EHD4: variants seen among roughly 807,000 people sequenced by gnomAD.
EHD4 encodes EH domain containing 4.
Under a neutral mutation model 51.0 loss-of-function variants are expected in EHD4, and 37 were observed. The observed-to-expected ratio is 0.73, with a 90% CI of 0.56 to 0.95. The LOEUF is 0.95. Among genes scored for constraint, EHD4 ranks in the 40% least tolerant of loss-of-function variants. EHD4 has a pLI of 0.00. For missense variants in EHD4, 632 were observed against 733.1 expected, an observed-to-expected ratio of 0.86 and a Z score of 1.59; for synonymous variants, 297 against 317.3, an observed-to-expected ratio of 0.94 and a Z score of 0.68.
chr15:41,900,347 A>C lies in EHD4; in HGVS notation c.*298T>G. On this transcript the variant is annotated 3_prime_UTR_variant, in exon 6 of 6. Coordinates refer to ENST00000220325, the MANE Select transcript of EHD4 (RefSeq NM_139265.4). The surrounding 1 kb of genome is among the most constrained non-coding windows in gnomAD (Gnocchi z 4.8). ...GTGGTTCCTGGGACTTACCAGGCCC[A>C]CCCCCATGCGCATTTCTCCAGGCAG... 1 of 391,496 alleles carries C rather than the reference A, an allele frequency of 2.6e-6. No individual in the cohort carries two copies. The allele number at this position is 391,496 out of a possible 1,614,324, so 24.3% of individuals were successfully genotyped here.
intron 2 of EHD4, among the ~76,000 whole-genome samples, chr15:41,949,982 AAGC>A (rs1389832901): frequency 6.6e-6 from 1 of 152,132 alleles, no homozygotes; most frequent in Non-Finnish European, 1.5e-5. Context: ...GAATGTCAAC[AAGC>A]ACCTCCCCAG....
chr15:41,972,470 C>T lies in EHD4; in HGVS notation c.25G>A (p.Ala9Thr). The change falls in exon 1 of 6, where the codon GCG becomes ACG. Residue 9 changes from alanine to threonine, a missense_variant. Transcript: ENST00000220325. MFSWMGRQ[A>T]GGRERAGGAD... ...CCGCCAGCGCGTTCGCGCCCGCCCGCCTGCCGCCCCATCCAGCTGAACATC... is the reference window on the plus strand; with the variant it reads ...CCGCCAGCGCGTTCGCGCCCGCCCGTCTGCCGCCCCATCCAGCTGAACATC... 6.5e-7 allele frequency: 1 copy of T among 1,544,214 alleles called. No homozygotes were observed. The highest frequency in any genetic ancestry group is 8.7e-7 in the Non-Finnish European group (1 of 1,148,138).
rs903862846 is a variant in EHD4, at chr15:41,927,766, G to A, written c.512-8144C>T. Among the ~76,000 whole-genome samples the A allele has an allele frequency of 2.2e-4, 33 of 152,158 alleles. 1 individual carries two copies. The highest frequency in any genetic ancestry group is 7.7e-4 in the African/African-American group (32 of 41,424). On this transcript the variant is annotated intron_variant, in intron 3 of 5. Transcript: ENST00000220325. ...AGATGAATAAGTTCTAGAGATTTGC[G>A]GAACCACACTGTGCCTATAGCCACA...
chr15:41,919,161 C>G lies in EHD4; in HGVS notation c.924+49G>C, dbSNP rs753423229. The G allele has an allele frequency of 5.6e-6, 9 of 1,607,936 alleles. No homozygotes were observed. In the East Asian group the frequency reaches 1.1e-4, roughly 20 times the overall value. On this transcript the variant is annotated intron_variant, in intron 4 of 5. Coordinates refer to ENST00000220325, the MANE Select transcript of EHD4 (RefSeq NM_139265.4). ...ACCCATCTTGCCTCTGGAGAGGAGA[C>G]AGCAGAGTCCCAGCCCCTGGCCTCT...
intron 1 of EHD4, among the ~76,000 whole-genome samples, chr15:41,967,432 A>T (rs140598481): frequency 5.3e-5 from 8 of 152,372 alleles, no homozygotes; most frequent in African/African-American, 1.9e-4. Context: ...TGAATAAATG[A>T]ACACTAGCAT....
At chr15:41,922,991 C>A (rs978410139) in intron 3 of EHD4, among the ~76,000 whole-genome samples, 1 of 152,160 alleles carries the variant, frequency 6.6e-6, no homozygotes, top group African/African-American at 2.4e-5. Context: ...ATGATCAAAG[C>A]TGGGAGAGGT....
intron 3 of EHD4, chr15:41,941,570 CTGTTTTTTGG>C (rs1376936004): frequency 7.0e-6 from 1 of 142,568 alleles, no homozygotes; most frequent in Non-Finnish European, 1.5e-5. Flanking sequence ...TAGCATTAAC[CTGTTTTTTGG>C]TGTTTTTTTT....
intron 4 of EHD4, 120 bp downstream of exon 4, chr15:41,919,090 T>A (rs148133892): frequency 1.4e-5 from 19 of 1,326,318 alleles, no homozygotes; most frequent in Middle Eastern, 2.6e-4. Context: ...ATTCTTAACC[T>A]AGCGCATGTT....
chr15:41,904,680 C>T (rs2067501229), intron 5 of EHD4, among the ~76,000 whole-genome samples: 1 of 152,222 alleles, frequency 6.6e-6, no homozygotes, highest in South Asian at 2.1e-4. Flanking sequence ...AGGGTCTGAG[C>T]AGATGGGGCT....
chr15:41,929,584 G>T (rs1192430687), intron 3 of EHD4, among the ~76,000 whole-genome samples: 1 of 152,220 alleles, frequency 6.6e-6, no homozygotes, highest in Non-Finnish European at 1.5e-5. Context: ...CCTGGAGAAA[G>T]ACAGCAACAT....
chr15:41,933,594 G>C (rs2067712738), intron 3 of EHD4, among the ~76,000 whole-genome samples: 1 of 152,222 alleles, frequency 6.6e-6, no homozygotes, highest in South Asian at 2.1e-4. Context: ...CTTCCACCTA[G>C]AATCCTGCAT....
intron 2 of EHD4, among the ~76,000 whole-genome samples, chr15:41,949,051 TACACACATACACACACAC>T (rs2067835652): frequency 4.6e-5 from 5 of 109,406 alleles, no homozygotes; most frequent in Admixed American, 1.9e-4. Context: ...TATATATATA[TACACACATACACACACAC>T]ATACATATAC....
chr15:41,914,154 G>A (rs988097747), intron 4 of EHD4, among the ~76,000 whole-genome samples: 3 of 152,208 alleles, frequency 2.0e-5, no homozygotes, highest in Middle Eastern at 3.4e-3. Flanking sequence ...TGCTGGAAGC[G>A]ACCAGTGCTG....
At chr15:41,906,746 G>C (rs2067514734) in intron 5 of EHD4, among the ~76,000 whole-genome samples, 1 of 152,224 alleles carries the variant, frequency 6.6e-6, no homozygotes. Context: ...CCCTGCCTGG[G>C]CACTGCCACG....
rs569501203 is a variant in EHD4, at chr15:41,909,386, C to T, written c.1089+313G>A. Among the ~76,000 whole-genome samples, 36 of 152,324 alleles carry T rather than the reference C, an allele frequency of 2.4e-4. 2 individuals carry two copies. In the South Asian group the frequency reaches 7.0e-3, roughly 30 times the overall value. On this transcript the variant is annotated intron_variant, in intron 5 of 5. Coordinates refer to ENST00000220325, the MANE Select transcript of EHD4 (RefSeq NM_139265.4). ...TGAAGGCCACTCCCAGCTGTGATTCCCTCACAGTTCTGGGATTCCAATGTC... is the reference window on the plus strand; with the variant it reads ...TGAAGGCCACTCCCAGCTGTGATTCTCTCACAGTTCTGGGATTCCAATGTC...
At chr15:41,966,877 G>A (rs79229594) in intron 1 of EHD4, among the ~76,000 whole-genome samples, 2,311 of 152,226 alleles carry the variant, frequency 0.015, 49 homozygotes, top group African/African-American at 0.05. Context: ...TACTTTCCCC[G>A]GAGGGTCTCC....
chr15:41,921,205 C>T (rs1378206218), intron 3 of EHD4, among the ~76,000 whole-genome samples: 2 of 152,196 alleles, frequency 1.3e-5, no homozygotes, highest in Non-Finnish European at 2.9e-5. Context: ...GTTTATGCCG[C>T]CACACGCGTG....
chr15:41,969,520 T>C (rs1156474149), intron 1 of EHD4, among the ~76,000 whole-genome samples: 1 of 151,640 alleles, frequency 6.6e-6, no homozygotes, highest in African/African-American at 2.4e-5. Context: ...CACTCCAGCC[T>C]GGGCAACAAC....
chr15:41,969,899 G>A (rs921590311), intron 1 of EHD4, among the ~76,000 whole-genome samples: 2 of 152,202 alleles, frequency 1.3e-5, no homozygotes, highest in Non-Finnish European at 2.9e-5. Context: ...CAGGAAGCCA[G>A]GGAGATAAGA....
Sources: allele counts gnomAD v4.1 joint callset (sites outside exome capture counted in the v4.1 genomes callset), GRCh38; gene constraint gnomAD v4.1.1; non-coding constraint Gnocchi (gnomAD v3.1); transcripts MANE v1.5; gene names NCBI Gene and HGNC (gene_info 2026-07-23, HGNC 2026-07-21).